The following CNST variants were observed in gnomAD, a reference collection of about 807,000 sequenced individuals.
The protein encoded by CNST is consortin, connexin sorting protein, also known as consortin.
CNST carries 39 observed loss-of-function variants against 72.4 expected under a neutral mutation model. The ratio of observed to expected loss-of-function variants is 0.54; its 90% CI spans 0.42 to 0.70. CNST has a LOEUF of 0.70. Among genes scored for constraint, CNST ranks in the 30% least tolerant of loss-of-function variants. The pLI is 0.00. For missense variants in CNST, 871 were observed against 868.5 expected (o/e 1.00, Z -0.04); for synonymous variants, 332 against 320.1 (o/e 1.04, Z -0.40).
At chr1:246,587,338 CT>C (rs1661261290) in intron 1 of CNST, among the ~76,000 whole-genome samples, 1 of 152,088 alleles carries the variant, frequency 6.6e-6, no homozygotes, top group Non-Finnish European at 1.5e-5. Context: ...AAATTATTTG[CT>C]TTTGCCATTG....
At chr1:246,567,501 C>T (rs924045772) in intron 1 of CNST, among the ~76,000 whole-genome samples, 2 of 152,076 alleles carry the variant, frequency 1.3e-5, no homozygotes, top group Non-Finnish European at 2.9e-5. Context: ...TCTTAGAATA[C>T]GTACAATCCT....
intron 2 of CNST, among the ~76,000 whole-genome samples, chr1:246,602,660 T>C (rs749524488): frequency 5.9e-5 from 9 of 152,120 alleles, no homozygotes; most frequent in Admixed American, 2.0e-4. Context: ...CTTGTACTTA[T>C]GGGAGGAGGT....
chr1:246,659,634 G>A lies in CNST; in HGVS notation c.1837-565G>A, dbSNP rs537459374. Among the ~76,000 whole-genome samples, 4 of 152,150 alleles carry A rather than the reference G, an allele frequency of 2.6e-5. No individual in the cohort carries two copies. The South Asian group carries it at 8.3e-4, about 32-fold the overall frequency. On this transcript the variant is annotated intron_variant, in intron 9 of 10. Coordinates refer to ENST00000366513, the MANE Select transcript of CNST (RefSeq NM_152609.3). ...TGTCCCTAGTAAACTGGCTCTGAGAGAAATTCTGGAAGTCCTTAAAATATT... is the reference window on the plus strand; with the variant it reads ...TGTCCCTAGTAAACTGGCTCTGAGAAAAATTCTGGAAGTCCTTAAAATATT...
At chr1:246,599,176 GA>G (rs80319670) in intron 2 of CNST, among the ~76,000 whole-genome samples, 6,228 of 109,270 alleles carry the variant, frequency 0.057, 377 homozygotes, top group African/African-American at 0.17. Flanking sequence ...ACTGTCTTAG[GA>G]AAAAAAAAAA....
chr1:246,664,244 T>TGTTATAACAGG (rs1359344058), intron 10 of CNST, among the ~76,000 whole-genome samples: 1 of 152,186 alleles, frequency 6.6e-6, no homozygotes, highest in Non-Finnish European at 1.5e-5. Flanking sequence ...CCCAGCCTTT[T>TGTTATAACAGG]GTTATAACAA....
chr1:246,643,226 T>C (rs1263027238), intron 8 of CNST, among the ~76,000 whole-genome samples: 1 of 152,180 alleles, frequency 6.6e-6, no homozygotes, highest in Admixed American at 6.5e-5. Context: ...ATTTTTATTC[T>C]TTCAAATCTT....
intron 8 of CNST, among the ~76,000 whole-genome samples, chr1:246,642,522 A>G (rs1426066631): frequency 1.3e-5 from 2 of 151,922 alleles, no homozygotes; most frequent in African/African-American, 2.4e-5. Context: ...CTAACATATG[A>G]TATACTTTAG....
chr1:246,567,421 G>T (rs1369406851), intron 1 of CNST, among the ~76,000 whole-genome samples: 1 of 151,946 alleles, frequency 6.6e-6, no homozygotes, highest in Non-Finnish European at 1.5e-5. Flanking sequence ...CGTGTTTCAG[G>T]ATCAAACTTA....
rs35403416 is a variant in CNST at position 246,658,472 on chromosome 1, AT to A, written c.1837-1717del. ...AAAAGAATATATTGTTGGCTTGTTGATTTTTTTTTTGAGATAATGGTTTCTA... is the reference window on the plus strand; with the variant it reads ...AAAAGAATATATTGTTGGCTTGTTGATTTTTTTTTGAGATAATGGTTTCTA... On this transcript the variant is annotated intron_variant, in intron 9 of 10. Transcript: ENST00000366513. Among the ~76,000 whole-genome samples the A allele has an allele frequency of 1.0e-4, 15 of 150,142 alleles. No individual in the cohort carries two copies. In the South Asian group the frequency reaches 1.3e-3, roughly 13 times the overall value.
intron 8 of CNST, among the ~76,000 whole-genome samples, chr1:246,646,669 G>A (rs1486329105): frequency 1.3e-5 from 2 of 152,214 alleles, no homozygotes; most frequent in Non-Finnish European, 2.9e-5. Flanking sequence ...TAATAGAGAC[G>A]GGGTTTCTCC....
chr1:246,578,172 T>G (rs911151984), intron 1 of CNST, among the ~76,000 whole-genome samples: 1 of 152,094 alleles, frequency 6.6e-6, no homozygotes, highest in Non-Finnish European at 1.5e-5. Context: ...ATTCTCCTGC[T>G]GCAAGCATTC....
intron 1 of CNST, among the ~76,000 whole-genome samples, chr1:246,573,598 G>A (rs1458207201): frequency 3.3e-5 from 5 of 151,984 alleles, no homozygotes; most frequent in African/African-American, 7.3e-5. Flanking sequence ...GGGATTGCCC[G>A]GTGAATGCCA....
rs1035226091 is a variant in CNST, at chr1:246,667,542, T to C, written c.*1637T>C. 2.6e-5 allele frequency: 4 copies of C among 152,236 alleles called. No homozygotes were observed. Among genetic ancestry groups the C allele is most frequent in the Non-Finnish European group, 4.4e-5 (3 of 68,046 alleles). 9.4% of individuals were successfully genotyped at this position (152,236 alleles called of 1,614,324 possible). ...TTTCAAGGGTTATAGATCAAAGATA[T>C]TTATTTAGAAATGTACAAGATAATG... On this transcript the variant is annotated 3_prime_UTR_variant, in exon 11 of 11. Transcript: ENST00000366513.
At chr1:246,583,232 C>T (rs1249104380) in intron 1 of CNST, among the ~76,000 whole-genome samples, 1 of 152,228 alleles carries the variant, frequency 6.6e-6, no homozygotes, top group Non-Finnish European at 1.5e-5. Context: ...CTGTGTCTAA[C>T]TTCTCACGCT....
At chr1:246,632,151 G>T in intron 4 of CNST, 2 of 429,244 alleles carry the variant, frequency 4.7e-6, no homozygotes, top group Non-Finnish European at 8.2e-6. Flanking sequence ...TTCATAAATA[G>T]GCCTTAATTT....
chr1:246,608,400 G>A (rs1663066373), intron 2 of CNST, among the ~76,000 whole-genome samples: 1 of 152,206 alleles, frequency 6.6e-6, no homozygotes, highest in Admixed American at 6.5e-5. Context: ...TTGGGCAAAT[G>A]TCTTACACAG....
rs530624857 is a variant in CNST at position 246,588,309 on chromosome 1, CAAAA to C, written c.-51-3197_-51-3194del. On this transcript the variant is annotated intron_variant, in intron 1 of 10. Transcript: ENST00000366513. ...GGGGTATTTGGAATATGGGGAAGTA[CAAAA>C]AAAAAGGAACAGCATGATCTAGTGA... Among the ~76,000 whole-genome samples, 4 of 145,496 alleles carry C rather than the reference CAAAA, an allele frequency of 2.7e-5. No individual in the cohort carries two copies. The East Asian group carries it at 8.0e-4, about 29-fold the overall frequency.
At chr1:246,592,024 TG>T in intron 2 of CNST, 83 bp downstream of exon 2, 1 of 1,100,350 alleles carries the variant, frequency 9.1e-7, no homozygotes, top group Non-Finnish European at 1.3e-6. Flanking sequence ...TTTACTGTCC[TG>T]CACCTTGCTT....
intron 9 of CNST, among the ~76,000 whole-genome samples, chr1:246,657,478 G>C (rs935509375): frequency 2.0e-5 from 3 of 152,188 alleles, no homozygotes; most frequent in Non-Finnish European, 4.4e-5. Context: ...AAAAAGGCGT[G>C]GTTCGATTTT....
Sources: gnomAD v4.1 joint callset for allele counts (sites outside exome capture counted in the v4.1 genomes callset) on GRCh38, gnomAD v4.1.1 for gene constraint, MANE v1.5 for transcripts, NCBI Gene and HGNC (gene_info 2026-07-23, HGNC 2026-07-21) for gene names.